FIRRM: variants seen among roughly 807,000 people sequenced by gnomAD.
FIRRM encodes FIGNL1 interacting regulator of recombination and mitosis, also known as FIGNL1-interacting regulator of recombination and mitosis.
chr1:169,832,004 C>G, the FIRRM span, among the ~76,000 whole-genome samples: 1 of 152,162 alleles, frequency 6.6e-6, no homozygotes, highest in Non-Finnish European at 1.5e-5. Flanking sequence ...AGCAGTCCTC[C>G]CACCTTGGCC....
chr1:169,794,868 A>T, the FIRRM span: 1 of 517,790 alleles, frequency 1.9e-6, no homozygotes. Context: ...GAAAAAGCTC[A>T]CCTCACAACG....
At chr1:169,826,358 C>T in the FIRRM span, among the ~76,000 whole-genome samples, 19 of 110,044 alleles carry the variant, frequency 1.7e-4, no homozygotes, top group South Asian at 2.7e-3. Flanking sequence ...CCACCACACC[C>T]GGCATTTTTT....
At chr1:169,806,053 T>C in the FIRRM span, 1 of 1,600,920 alleles carries the variant, frequency 6.2e-7, no homozygotes, top group South Asian at 1.1e-5. Flanking sequence ...GTATGGACCA[T>C]GCATTTCATG....
At chr1:169,839,984 C>T in the FIRRM span, among the ~76,000 whole-genome samples, 1 of 152,242 alleles carries the variant, frequency 6.6e-6, no homozygotes, top group South Asian at 2.1e-4. Flanking sequence ...GAATAGGAGT[C>T]CTTTCTCTGT....
the FIRRM span, among the ~76,000 whole-genome samples, chr1:169,790,321 G>A: frequency 0.037 from 5,658 of 151,926 alleles, 177 homozygotes; most frequent in South Asian, 0.11. Context: ...CTAATAGCTC[G>A]GATTACTGGC....
At chr1:169,823,000 C>T in the FIRRM span, among the ~76,000 whole-genome samples, 1 of 150,988 alleles carries the variant, frequency 6.6e-6, no homozygotes, top group Non-Finnish European at 1.5e-5. Context: ...GCCTGTAATC[C>T]CAGCACTTTG....
At chr1:169,809,694 A>G in the FIRRM span, among the ~76,000 whole-genome samples, 5 of 152,150 alleles carry the variant, frequency 3.3e-5, no homozygotes, top group Non-Finnish European at 5.9e-5. Context: ...CATTTTTTCA[A>G]ATTTGGGACT....
chr1:169,784,532 T>A, the FIRRM span, among the ~76,000 whole-genome samples: 1 of 152,202 alleles, frequency 6.6e-6, no homozygotes, highest in Non-Finnish European at 1.5e-5. Flanking sequence ...CTCCCTTCCA[T>A]CCAATTTTGT....
chr1:169,828,418 A>G, the FIRRM span, among the ~76,000 whole-genome samples: 4 of 152,256 alleles, frequency 2.6e-5, no homozygotes, highest in South Asian at 4.1e-4. Context: ...TACTATTGTC[A>G]TCTTCTGCTT....
the FIRRM span, chr1:169,853,521 C>T: frequency 3.4e-6 from 2 of 590,828 alleles, no homozygotes; most frequent in East Asian, 5.7e-5. Context: ...CTGTGAGCCT[C>T]ACCACCCAGG....
At chr1:169,789,888 C>T in the FIRRM span, among the ~76,000 whole-genome samples, 3 of 152,174 alleles carry the variant, frequency 2.0e-5, no homozygotes, top group African/African-American at 4.8e-5. Flanking sequence ...ATAATTTCCA[C>T]TTATACATAG....
chr1:169,842,420 A>G, the FIRRM span: 9 of 1,613,380 alleles, frequency 5.6e-6, no homozygotes, highest in Non-Finnish European at 7.6e-6. Flanking sequence ...CCTTCAGAAC[A>G]CAGTACTGTC....
At chr1:169,853,337 A>G in the FIRRM span, 9 of 322,878 alleles carry the variant, frequency 2.8e-5, no homozygotes, top group African/African-American at 4.3e-5. Context: ...AATAGAGCTT[A>G]CTCTTATGTT....
chr1:169,830,218 CTTTAGTA>C, the FIRRM span: 1 of 1,480,232 alleles, frequency 6.8e-7, no homozygotes, highest in Non-Finnish European at 9.3e-7. Context: ...TTATTGTGAA[CTTTAGTA>C]TTTAAATAAA....
At chr1:169,843,731 T>C in the FIRRM span, 3 of 1,611,972 alleles carry the variant, frequency 1.9e-6, no homozygotes, top group Non-Finnish European at 2.5e-6. Flanking sequence ...ACTGTTGGGA[T>C]TTTTCATTCA....
chr1:169,831,176 T>C, the FIRRM span, among the ~76,000 whole-genome samples: 1 of 152,178 alleles, frequency 6.6e-6, no homozygotes. Context: ...AACTTGAGTT[T>C]GACATTGATA....
chr1:169,828,281 C>T, the FIRRM span, among the ~76,000 whole-genome samples: 1,757 of 152,254 alleles, frequency 0.012, 37 homozygotes, highest in African/African-American at 0.04. Context: ...TTCACCTCTT[C>T]CTTTATCCCA....
At chr1:169,795,101 G>GT in the FIRRM span, 1 of 1,535,596 alleles carries the variant, frequency 6.5e-7, no homozygotes, top group Non-Finnish European at 8.7e-7. Flanking sequence ...TTTGACGAAA[G>GT]TATGTCTCAG....
chr1:169,806,611 A>C, the FIRRM span, among the ~76,000 whole-genome samples: 1 of 152,210 alleles, frequency 6.6e-6, no homozygotes, highest in African/African-American at 2.4e-5. Context: ...AGATGTAAAA[A>C]TGGTTAAGAA....
Sources: allele counts gnomAD v4.1 joint callset (sites outside exome capture counted in the v4.1 genomes callset), GRCh38; gene constraint gnomAD v4.1.1; transcripts MANE v1.5; gene names NCBI Gene and HGNC (gene_info 2026-07-23, HGNC 2026-07-21).